The following KATNIP variants were observed in gnomAD, a reference collection of about 807,000 sequenced individuals.
The protein encoded by KATNIP is katanin interacting protein, also known as katanin-interacting protein.
Under a neutral mutation model 174.0 loss-of-function variants are expected in KATNIP, and 126 were observed. The observed-to-expected ratio is 0.72, with a 90% CI of 0.63 to 0.84. The LOEUF (loss-of-function observed/expected upper bound fraction) is 0.84, where lower values mean the gene tolerates loss of function less well. Ranked by LOEUF, KATNIP falls within the 40% of genes least tolerant of loss-of-function variation. The pLI is 0.00. For synonymous variants in KATNIP, 810 were observed against 835.7 expected (o/e 0.97, Z 0.53); for missense variants, 1,958 against 2,109.7 (o/e 0.93, Z 1.41).
intron 8 of KATNIP, among the ~76,000 whole-genome samples, chr16:27,682,185 C>T (rs1372389387): frequency 6.6e-6 from 1 of 152,160 alleles, no homozygotes; most frequent in Non-Finnish European, 1.5e-5. Flanking sequence ...ACAAAAGAGT[C>T]GATGGTGAAC....
Position 27,777,991 on chromosome 16 carries a change from A to G in KATNIP, c.4801+22A>G. Reference sequence around the variant, plus strand: ...CCAGGTCAGTGGCGTTTCTCTGCCCAGAGCATTGTGCCTTGGGAGCTCGGT... The same window carrying G: ...CCAGGTCAGTGGCGTTTCTCTGCCCGGAGCATTGTGCCTTGGGAGCTCGGT... On this transcript the variant is annotated intron_variant, in intron 27 of 27. Coordinates refer to ENST00000261588, the MANE Select transcript of KATNIP (RefSeq NM_015202.5). This position sits in a 1 kb window ranked among gnomAD's most constrained non-coding sequence, Gnocchi z 4.4. 1 of 1,608,638 alleles carries G rather than the reference A, an allele frequency of 6.2e-7. No individual in the cohort carries two copies. Among genetic ancestry groups the G allele is most frequent in the East Asian group, 2.2e-5 (1 of 44,846 alleles).
chr16:27,720,183 C>T (rs773393114), intron 13 of KATNIP, among the ~76,000 whole-genome samples: 25 of 152,048 alleles, frequency 1.6e-4, no homozygotes, highest in South Asian at 2.1e-4. Flanking sequence ...ATCCACCTCA[C>T]GAGTTCAAGC....
intron 5 of KATNIP, among the ~76,000 whole-genome samples, chr16:27,639,199 C>T (rs532590929): frequency 2.0e-5 from 3 of 152,322 alleles, no homozygotes; most frequent in African/African-American, 7.2e-5. Flanking sequence ...GCCAAGAAGC[C>T]GATGACTTCC....
At chr16:27,625,568 C>T (rs1423370165) in intron 3 of KATNIP, among the ~76,000 whole-genome samples, 1 of 152,154 alleles carries the variant, frequency 6.6e-6, no homozygotes, top group African/African-American at 2.4e-5. Context: ...TGTTGTTGCC[C>T]AACAATCAGG....
At chr16:27,594,887 C>T (rs2075289889) in intron 2 of KATNIP, among the ~76,000 whole-genome samples, 1 of 152,178 alleles carries the variant, frequency 6.6e-6, no homozygotes, top group Admixed American at 6.5e-5. Flanking sequence ...ACATGCAAAC[C>T]ACTCAGCACA....
chr16:27,646,745 G>A (rs1242262858), intron 5 of KATNIP, among the ~76,000 whole-genome samples: 1 of 152,060 alleles, frequency 6.6e-6, no homozygotes. Flanking sequence ...CCAGCAGGGA[G>A]ACACAAGTAA....
At chr16:27,560,317 A>G (rs1277572601) in intron 1 of KATNIP, among the ~76,000 whole-genome samples, 1 of 150,636 alleles carries the variant, frequency 6.6e-6, no homozygotes, top group African/African-American at 2.4e-5. Context: ...GTAATTTCAC[A>G]TAAGAACCTG....
At chr16:27,585,984 C>T (rs1169489929) in intron 2 of KATNIP, among the ~76,000 whole-genome samples, 1 of 152,018 alleles carries the variant, frequency 6.6e-6, no homozygotes, top group East Asian at 1.9e-4. Context: ...ACCTGTAGTC[C>T]CAGCTACTGG....
intron 5 of KATNIP, chr16:27,632,726 T>G: frequency 2.4e-6 from 1 of 422,500 alleles, no homozygotes; most frequent in South Asian, 1.6e-5. Context: ...TGGTGGAGTC[T>G]TTGAAAAGGG....
chr16:27,726,743 C>G (rs1236285252), intron 14 of KATNIP, among the ~76,000 whole-genome samples: 1 of 152,216 alleles, frequency 6.6e-6, no homozygotes, highest in Non-Finnish European at 1.5e-5. Flanking sequence ...CTTCCCCGAG[C>G]TCAGTGATGA....
Position 27,593,176 on chromosome 16 carries a change from A to G in KATNIP, c.63+19220A>G, listed in dbSNP as rs548833220. On this transcript the variant is annotated intron_variant, in intron 2 of 27. Coordinates refer to ENST00000261588, the MANE Select transcript of KATNIP (RefSeq NM_015202.5). ...GTTCCCACCAATGACTCCTAAGTTCACTTACCCACTTAAAGAGAGTAGCCA... is the reference window on the plus strand; with the variant it reads ...GTTCCCACCAATGACTCCTAAGTTCGCTTACCCACTTAAAGAGAGTAGCCA... 2.0e-5 allele frequency among the ~76,000 whole-genome samples: 3 copies of G among 151,318 alleles called. No homozygotes were observed. The East Asian group carries it at 5.9e-4, about 30-fold the overall frequency.
intron 24 of KATNIP, among the ~76,000 whole-genome samples, chr16:27,775,591 A>G (rs1567436591): frequency 1.3e-5 from 2 of 152,162 alleles, no homozygotes; most frequent in Non-Finnish European, 2.9e-5. Flanking sequence ...CAGATCTCAA[A>G]TCTTGCACTG....
chr16:27,678,799 A>ATTC lies in KATNIP; in HGVS notation c.808+803_808+804insTTC, dbSNP rs1281007396. The stretch of plus-strand genomic sequence containing the variant: ...CCAAAAGAAACTCAAGGTGAACCTG[A>ATTC]AGGAGGGAGGATGCTGGCACGCAGA... On this transcript the variant is annotated intron_variant, in intron 7 of 27. Coordinates refer to ENST00000261588, the MANE Select transcript of KATNIP (RefSeq NM_015202.5). 5 of 152,394 alleles carry ATTC rather than the reference A, an allele frequency of 3.3e-5. No homozygotes were observed. The East Asian group carries it at 9.6e-4, about 29-fold the overall frequency. The allele number at this position is 152,394 out of a possible 1,614,324, so 9.4% of individuals were successfully genotyped here.
chr16:27,587,753 G>T (rs914125403), intron 2 of KATNIP, among the ~76,000 whole-genome samples: 1 of 152,092 alleles, frequency 6.6e-6, no homozygotes, highest in African/African-American at 2.4e-5. Context: ...AAAACAGAAT[G>T]CTTGTTTAGG....
intron 14 of KATNIP, among the ~76,000 whole-genome samples, chr16:27,731,176 T>C (rs1215969489): frequency 1.3e-5 from 2 of 152,050 alleles, no homozygotes; most frequent in Non-Finnish European, 2.9e-5. Flanking sequence ...TTGAATAAAG[T>C]TGCAAGAATT....
At position 27,663,010 on chromosome 16, in the gene KATNIP, AT is replaced by A. The variant is rs1009947533; in HGVS notation, c.540+14284del. Among the ~76,000 whole-genome samples, 11 of 150,698 alleles carry A rather than the reference AT, an allele frequency of 7.3e-5. No individual in the cohort carries two copies. The East Asian group carries it at 1.2e-3, about 16-fold the overall frequency. On this transcript the variant is annotated intron_variant, in intron 6 of 27. Coordinates refer to ENST00000261588, the MANE Select transcript of KATNIP (RefSeq NM_015202.5). Reference sequence around the variant, plus strand: ...CATTCATTCATTTACTCATTTATTTATTTTTTTTTCAGCTTATTTCTGCTTT... The same window carrying A: ...CATTCATTCATTTACTCATTTATTTATTTTTTTTCAGCTTATTTCTGCTTT...
chr16:27,613,807 T>C (rs1028684324), intron 2 of KATNIP, among the ~76,000 whole-genome samples: 2 of 152,194 alleles, frequency 1.3e-5, no homozygotes, highest in African/African-American at 4.8e-5. Flanking sequence ...TGAGGCCTCC[T>C]GCGCTTTTCT....
intron 14 of KATNIP, among the ~76,000 whole-genome samples, chr16:27,723,701 G>A (rs2080329695): frequency 6.6e-6 from 1 of 152,182 alleles, no homozygotes; most frequent in Non-Finnish European, 1.5e-5. Context: ...CTGATATCCA[G>A]ATGAGAGGAT....
rs1431865566 is a variant in KATNIP, at chr16:27,637,148, G to A, written c.408+5986G>A. On this transcript the variant is annotated intron_variant, in intron 5 of 27. Transcript: ENST00000261588. This position sits in a 1 kb window ranked among gnomAD's most constrained non-coding sequence, Gnocchi z 4.7. The stretch of plus-strand genomic sequence containing the variant: ...GAAGCTGAAGCAGTGCCTGGCACAG[G>A]AGAAATAGTGAATGGTGCTGCCTGT... Among the ~76,000 whole-genome samples the A allele has an allele frequency of 6.6e-6, 1 of 152,246 alleles. No individual in the cohort carries two copies. The highest frequency in any genetic ancestry group is 1.9e-4 in the East Asian group (1 of 5,198).
Sources: gnomAD v4.1 joint callset for allele counts (sites outside exome capture counted in the v4.1 genomes callset) on GRCh38, gnomAD v4.1.1 for gene constraint, Gnocchi (gnomAD v3.1) non-coding constraint, MANE v1.5 for transcripts, NCBI Gene and HGNC (gene_info 2026-07-23, HGNC 2026-07-21) for gene names.